The following TENM2 variants were observed in gnomAD, a reference collection of about 807,000 sequenced individuals.
The protein encoded by TENM2 is teneurin-2.
A neutral mutation model predicts 245.2 loss-of-function variants in TENM2; 52 were observed. The observed-to-expected ratio is 0.21, with a 90% CI of 0.17 to 0.27. TENM2 has a LOEUF of 0.27. TENM2 is among the 10% of genes least tolerant of loss of function. The pLI, the probability that TENM2 is intolerant of heterozygous loss-of-function variation, is 1.00. For missense variants in TENM2, 3,046 were observed against 3,666.8 expected, an observed-to-expected ratio of 0.83 and a Z score of 4.37; for synonymous variants, 1,363 against 1,438.9, an observed-to-expected ratio of 0.95 and a Z score of 1.19.
chr5:167,487,301 C>T (rs1052233030), intron 2 of TENM2, among the ~76,000 whole-genome samples: 2 of 152,014 alleles, frequency 1.3e-5, no homozygotes, highest in African/African-American at 2.4e-5. Flanking sequence ...CTGGAGACAA[C>T]AAAAGGCCTT....
intron 1 of TENM2, among the ~76,000 whole-genome samples, chr5:167,365,879 T>C (rs1760018051): frequency 6.6e-6 from 1 of 151,872 alleles, no homozygotes. Flanking sequence ...AACAGCAAAT[T>C]AGTAGTAATG....
chr5:168,171,051 C>T (rs529600918), intron 13 of TENM2, among the ~76,000 whole-genome samples: 1 of 152,326 alleles, frequency 6.6e-6, no homozygotes, highest in South Asian at 2.1e-4. Context: ...AGGGTCTTTG[C>T]TAGTGCAAGG....
At chr5:167,262,017 T>C in the TENM2 span, among the ~76,000 whole-genome samples, 1 of 152,198 alleles carries the variant, frequency 6.6e-6, no homozygotes, top group Non-Finnish European at 1.5e-5. Context: ...ATGTTTAAAA[T>C]GGAACTACTA....
exon 19 of TENM2, chr5:168,204,604 C>T (rs772686560): frequency 3.7e-6 from 6 of 1,613,960 alleles, no homozygotes; most frequent in Non-Finnish European, 5.1e-6. Context: ...GAAATGTGAC[C>T]AGCATCTTGG....
chr5:167,029,753 A>C, the TENM2 span, among the ~76,000 whole-genome samples: 1 of 152,190 alleles, frequency 6.6e-6, no homozygotes, highest in African/African-American at 2.4e-5. Context: ...TGGTTCTCAC[A>C]ACCTTGCACA....
chr5:167,919,242 G>C (rs1777170832), intron 3 of TENM2, among the ~76,000 whole-genome samples: 1 of 152,198 alleles, frequency 6.6e-6, no homozygotes, highest in Non-Finnish European at 1.5e-5. Context: ...CAGAGGAGCA[G>C]TCATTTTGCA....
At chr5:167,942,574 C>G (rs1031678987) in intron 3 of TENM2, among the ~76,000 whole-genome samples, 22 of 152,122 alleles carry the variant, frequency 1.4e-4, no homozygotes, top group Non-Finnish European at 3.1e-4. Context: ...CTTCCTCCCA[C>G]TGCAAAACTG....
At chr5:167,693,709 T>C (rs1757580833) in intron 2 of TENM2, among the ~76,000 whole-genome samples, 1 of 150,984 alleles carries the variant, frequency 6.6e-6, no homozygotes, top group African/African-American at 2.4e-5. Context: ...CTGGAGTTGA[T>C]AGTGGAAAAA....
intron 2 of TENM2, among the ~76,000 whole-genome samples, chr5:167,617,848 A>G (rs1288614583): frequency 6.6e-6 from 1 of 152,240 alleles, no homozygotes; most frequent in Non-Finnish European, 1.5e-5. Context: ...CTCTCTGCCT[A>G]TATTCAGAAT....
chr5:167,791,897 T>C (rs1254275463), intron 2 of TENM2, among the ~76,000 whole-genome samples: 1 of 152,046 alleles, frequency 6.6e-6, no homozygotes, highest in Non-Finnish European at 1.5e-5. Flanking sequence ...AGATGGAACA[T>C]ACATTTTCCA....
intron 2 of TENM2, among the ~76,000 whole-genome samples, chr5:167,654,470 G>A (rs1039000545): frequency 7.2e-5 from 11 of 152,112 alleles, no homozygotes; most frequent in Non-Finnish European, 1.5e-4. Flanking sequence ...TCCTGGTAGT[G>A]GAGTAACTAC....
chr5:168,200,262 G>A (rs1483547001), intron 17 of TENM2, 131 bp downstream of exon 19: 3 of 796,802 alleles, frequency 3.8e-6, no homozygotes, highest in Non-Finnish European at 6.0e-6. Flanking sequence ...CAAGAAGACA[G>A]ACAAGATTCC....
intron 7 of TENM2, among the ~76,000 whole-genome samples, chr5:168,087,709 C>T (rs1792580926): frequency 6.6e-6 from 1 of 152,092 alleles, no homozygotes; most frequent in African/African-American, 2.4e-5. Context: ...TCTTCACCAC[C>T]CTACCCTGCA....
chr5:167,216,726 G>A, the TENM2 span, among the ~76,000 whole-genome samples: 7 of 152,128 alleles, frequency 4.6e-5, no homozygotes, highest in Non-Finnish European at 2.9e-5. Context: ...AGGAGTTTGA[G>A]ACCAGCCTGG....
chr5:167,790,576 A>G (rs1474208546), intron 2 of TENM2, among the ~76,000 whole-genome samples: 1 of 152,088 alleles, frequency 6.6e-6, no homozygotes, highest in Non-Finnish European at 1.5e-5. Flanking sequence ...CAGTGCCTGG[A>G]CCCTTCAGAT....
chr5:167,140,184 G>A, the TENM2 span, among the ~76,000 whole-genome samples: 1 of 152,058 alleles, frequency 6.6e-6, no homozygotes. Context: ...ATACATAGTA[G>A]GTATATATAT....
At chr5:168,118,317 G>A in exon 10 of TENM2, 1 of 1,603,760 alleles carries the variant, frequency 6.2e-7, no homozygotes, top group Non-Finnish European at 8.5e-7. Flanking sequence ...TGTGCAGTGG[G>A]AATGGACAAT....
At chr5:167,552,257 A>C (rs1011996844) in intron 2 of TENM2, among the ~76,000 whole-genome samples, 1 of 152,148 alleles carries the variant, frequency 6.6e-6, no homozygotes, top group African/African-American at 2.4e-5. Context: ...AAGCTGCATA[A>C]ATATACTCAG....
intron 25 of TENM2, among the ~76,000 whole-genome samples, chr5:168,228,884 A>G (rs970866746): frequency 1.4e-5 from 2 of 148,024 alleles, no homozygotes; most frequent in Non-Finnish European, 3.0e-5. Context: ...ATATAATGTA[A>G]TTTTATATTA....
Sources: gnomAD v4.1 joint callset for allele counts (sites outside exome capture counted in the v4.1 genomes callset) on GRCh38, gnomAD v4.1.1 for gene constraint, MANE v1.5 for transcripts, NCBI Gene and HGNC (gene_info 2026-07-23, HGNC 2026-07-21) for gene names.